Variants in IGDCC3 observed in about 807,000 individuals in gnomAD.
The protein encoded by IGDCC3 is putative neuronal cell adhesion molecule.
A neutral mutation model predicts 72.0 loss-of-function variants in IGDCC3; 47 were observed. That is an observed-to-expected ratio of 0.65 (90% CI 0.52 to 0.83). IGDCC3 has a LOEUF of 0.83. Ranked by LOEUF, IGDCC3 falls within the 40% of genes least tolerant of loss-of-function variation. The pLI is 0.00. For synonymous variants in IGDCC3, 477 were observed against 472.8 expected (o/e 1.01, Z -0.11); for missense variants, 1,038 against 1,091.3 (o/e 0.95, Z 0.69).
rs1455303803 is a variant in IGDCC3, at chr15:65,328,975, G to A, written c.2379C>T (p.Leu793=). 7 of 1,601,836 alleles carry A rather than the reference G, an allele frequency of 4.4e-6. No individual in the cohort carries two copies. The highest frequency in any genetic ancestry group is 4.0e-5 in the African/African-American group (3 of 74,392). The part of the protein sequence containing the change: ...PPPPDGGPGL[L]SEGQASRPAA... ...CAGGCCTGGAAGCCTGGCCTTCACT[G>A]AGGAGGCCAGGGCCTCCATCTGGGG... is the stretch of plus-strand genomic sequence containing the variant. Residue 793 remains leucine, a synonymous_variant, in exon 14 of 14, where the codon CTC becomes CTT. Coordinates refer to ENST00000327987, the MANE Select transcript of IGDCC3 (RefSeq NM_004884.4).
In IGDCC3 at chr15:65,328,299, T is replaced by TTA. The variant is rs1156555430; in HGVS notation, c.*609_*610insTA. ...ACACCTGGAAACGGGGAAGTGCTTTTTTTTTTTTTTTTTTTTTTACTCTGG... is the reference window on the plus strand; with the variant it reads ...ACACCTGGAAACGGGGAAGTGCTTTTTATTTTTTTTTTTTTTTTTTACTCTGG... On this transcript the variant is annotated 3_prime_UTR_variant, in exon 14 of 14. Coordinates refer to ENST00000327987, the MANE Select transcript of IGDCC3 (RefSeq NM_004884.4). 7.8e-6 allele frequency: 1 copy of TTA among 128,536 alleles called. No individual in the cohort carries two copies. Among genetic ancestry groups the TTA allele is most frequent in the East Asian group, 2.2e-4 (1 of 4,580 alleles). The allele number at this position is 128,536 out of a possible 1,614,324, so 8.0% of individuals were successfully genotyped here.
In IGDCC3 at chr15:65,335,798, C is replaced by A. The variant is rs1271300118; in HGVS notation, c.554+14G>T. On this transcript the variant is annotated intron_variant, in intron 3 of 13. Coordinates refer to ENST00000327987, the MANE Select transcript of IGDCC3 (RefSeq NM_004884.4). Reference sequence around the variant, plus strand: ...CTCTTTGTCCTCCCTCTGTCTTTCCCACACGTGGCTCACCTCTCATTGTCC... The same window carrying A: ...CTCTTTGTCCTCCCTCTGTCTTTCCAACACGTGGCTCACCTCTCATTGTCC... 1 of 1,613,890 alleles carries A rather than the reference C, an allele frequency of 6.2e-7. No individual in the cohort carries two copies. Among genetic ancestry groups the A allele is most frequent in the East Asian group, 2.2e-5 (1 of 44,886 alleles).
At chr15:65,332,866 C>G (rs1282016009) in intron 6 of IGDCC3, among the ~76,000 whole-genome samples, 1 of 152,204 alleles carries the variant, frequency 6.6e-6, no homozygotes, top group Non-Finnish European at 1.5e-5. Context: ...GACAAGCAGG[C>G]CCGGAGTGCA....
At chr15:65,344,243 C>T (rs1428214941) in intron 2 of IGDCC3, among the ~76,000 whole-genome samples, 1 of 152,098 alleles carries the variant, frequency 6.6e-6, no homozygotes, top group East Asian at 1.9e-4. Context: ...GTGGTGGCTT[C>T]ACTGGGGGTG....
intron 2 of IGDCC3, among the ~76,000 whole-genome samples, chr15:65,351,262 C>A (rs534437722): frequency 1.6e-4 from 25 of 152,160 alleles, no homozygotes; most frequent in Non-Finnish European, 3.2e-4. Flanking sequence ...ACCGGCTGGG[C>A]GCAGTGGCTC....
chr15:65,337,179 C>T (rs536584172), intron 2 of IGDCC3, among the ~76,000 whole-genome samples: 2 of 152,348 alleles, frequency 1.3e-5, no homozygotes, highest in East Asian at 3.9e-4. Context: ...CCTTTGTGCC[C>T]TTCCACCCAG....
At position 65,333,032 on chromosome 15, in the gene IGDCC3, G is replaced by A. The variant is rs533962724; in HGVS notation, c.982+225C>T. 7.9e-5 allele frequency among the ~76,000 whole-genome samples: 12 copies of A among 152,334 alleles called. No individual in the cohort carries two copies. The East Asian group carries it at 2.1e-3, about 27-fold the overall frequency. ...GGGTATTGACGGACCCGGAGGGCAC[G>A]CAGAGGCCGGGGAGCATGACCAAGA... On this transcript the variant is annotated intron_variant, in intron 6 of 13. Transcript: ENST00000327987.
At chr15:65,354,556 T>C (rs1048623878) in intron 2 of IGDCC3, among the ~76,000 whole-genome samples, 3 of 152,196 alleles carry the variant, frequency 2.0e-5, no homozygotes, top group Non-Finnish European at 4.4e-5. Context: ...TGCGTCTATC[T>C]GCCTACCCAT....
At chr15:65,340,918 A>G (rs1430201046) in intron 2 of IGDCC3, among the ~76,000 whole-genome samples, 1 of 152,048 alleles carries the variant, frequency 6.6e-6, no homozygotes, top group Non-Finnish European at 1.5e-5. Flanking sequence ...TAGTAGAGAC[A>G]GCGTTTTGCC....
intron 2 of IGDCC3, among the ~76,000 whole-genome samples, chr15:65,351,031 A>G (rs1251462102): frequency 1.3e-5 from 2 of 152,232 alleles, no homozygotes; most frequent in African/African-American, 4.8e-5. Flanking sequence ...GATTGTTTTA[A>G]GTAAGAAAAA....
At position 65,327,507 on chromosome 15, in the gene IGDCC3, T is replaced by C. The variant is rs1436741235; in HGVS notation, c.*1402A>G. 1 of 152,228 alleles carries C rather than the reference T, an allele frequency of 6.6e-6. No individual in the cohort carries two copies. Among genetic ancestry groups the C allele is most frequent in the African/African-American group, 2.4e-5 (1 of 41,448 alleles). The allele number at this position is 152,228 out of a possible 1,614,324, so 9.4% of individuals were successfully genotyped here. On this transcript the variant is annotated 3_prime_UTR_variant, in exon 14 of 14. Coordinates refer to ENST00000327987, the MANE Select transcript of IGDCC3 (RefSeq NM_004884.4). ...GTCTCATTCTTAAGGAATACACTTATCTTTTTTCTTTAAAAAAAGTTTTTC... is the reference window on the plus strand; with the variant it reads ...GTCTCATTCTTAAGGAATACACTTACCTTTTTTCTTTAAAAAAAGTTTTTC...
At chr15:65,365,676 GTC>G (rs1348849725) in intron 2 of IGDCC3, among the ~76,000 whole-genome samples, 1 of 150,976 alleles carries the variant, frequency 6.6e-6, no homozygotes, top group Non-Finnish European at 1.5e-5. Context: ...TCTCTCCTTA[GTC>G]TCTGCAGAGG....
chr15:65,352,553 C>T (rs1298065219), intron 2 of IGDCC3, among the ~76,000 whole-genome samples: 1 of 152,122 alleles, frequency 6.6e-6, no homozygotes, highest in Non-Finnish European at 1.5e-5. Context: ...GTCACTTTCT[C>T]ACAGGTCCAG....
chr15:65,377,629 G>C lies in IGDCC3; in HGVS notation c.103+57C>G. 1 of 1,360,400 alleles carries C rather than the reference G, an allele frequency of 7.4e-7. No individual in the cohort carries two copies. The highest frequency in any genetic ancestry group is 1.8e-5 in the South Asian group (1 of 54,354). The allele number at this position is 1,360,400 out of a possible 1,614,324, so 84.3% of individuals were successfully genotyped here. A position where few individuals can be genotyped will look rare whatever the true frequency, so the allele number is the denominator to read the frequency against. ...CGCCCCTCGCGCCCGCTCCCTCCCT[G>C]CTCGCCCTTCCCCTGGCTCCGTCCG... On this transcript the variant is annotated intron_variant, in intron 1 of 13. Transcript: ENST00000327987. This position sits in a 1 kb window ranked among gnomAD's most constrained non-coding sequence, Gnocchi z 4.9.
chr15:65,328,808 GC>G lies in IGDCC3; in HGVS notation c.*100del. 7.4e-7 allele frequency: 1 copy of G among 1,354,332 alleles called. No individual in the cohort carries two copies. Among genetic ancestry groups the G allele is most frequent in the Non-Finnish European group, 9.7e-7 (1 of 1,029,506 alleles). 83.9% of individuals were successfully genotyped at this position (1,354,332 alleles called of 1,614,324 possible). ...GCAGTCAGGATAGAAATGCTGGGGAGCCCCCAGGACCATCCAAATCCCACAT... is the reference window on the plus strand; with the variant it reads ...GCAGTCAGGATAGAAATGCTGGGGAGCCCCAGGACCATCCAAATCCCACAT... On this transcript the variant is annotated 3_prime_UTR_variant, in exon 14 of 14. Transcript: ENST00000327987.
chr15:65,338,481 C>A (rs1242879256), intron 2 of IGDCC3, among the ~76,000 whole-genome samples: 1 of 152,196 alleles, frequency 6.6e-6, no homozygotes, highest in Non-Finnish European at 1.5e-5. Flanking sequence ...GCATGCTGGA[C>A]TAGCTTCTTC....
intron 2 of IGDCC3, among the ~76,000 whole-genome samples, chr15:65,362,002 G>C (rs2091265231): frequency 6.6e-6 from 1 of 152,168 alleles, no homozygotes; most frequent in Non-Finnish European, 1.5e-5. Flanking sequence ...GCGCGGGCAG[G>C]AGCCAGGAGG....
chr15:65,364,433 T>C (rs1344597919), intron 2 of IGDCC3, among the ~76,000 whole-genome samples: 1 of 152,164 alleles, frequency 6.6e-6, no homozygotes, highest in Non-Finnish European at 1.5e-5. Context: ...TAACTAGTTC[T>C]CTACAAGAAC....
chr15:65,358,487 C>T (rs2091240351), intron 2 of IGDCC3, among the ~76,000 whole-genome samples: 1 of 152,156 alleles, frequency 6.6e-6, no homozygotes, highest in Non-Finnish European at 1.5e-5. Context: ...ACTACAAATA[C>T]ATTTGTCACT....
Sources: allele counts gnomAD v4.1 joint callset (sites outside exome capture counted in the v4.1 genomes callset), GRCh38; gene constraint gnomAD v4.1.1; non-coding constraint Gnocchi (gnomAD v3.1); transcripts MANE v1.5; gene names NCBI Gene and HGNC (gene_info 2026-07-23, HGNC 2026-07-21).